The following LRP1B variants were observed in gnomAD, a reference collection of about 807,000 sequenced individuals.
The protein encoded by LRP1B is low-density lipoprotein receptor-related protein 1B.
A neutral mutation model predicts 556.6 loss-of-function variants in LRP1B; 217 were observed. The ratio of observed to expected loss-of-function variants is 0.39; its 90% CI spans 0.35 to 0.44. LRP1B has a LOEUF of 0.44. Among genes scored for constraint, LRP1B ranks in the 20% least tolerant of loss-of-function variants. The probability of loss-of-function intolerance (pLI) is 1.00; values close to 1 mark genes in which losing one functional copy is unlikely to be tolerated. For missense variants in LRP1B, 5,053 were observed against 5,620.8 expected (o/e 0.90, Z 3.23); for synonymous variants, 2,047 against 1,865.8 (o/e 1.10, Z -2.50).
At chr2:140,419,348 T>C (rs146471759) in intron 66 of LRP1B, among the ~76,000 whole-genome samples, 4 of 152,302 alleles carry the variant, frequency 2.6e-5, no homozygotes, top group South Asian at 2.1e-4. Flanking sequence ...TACCCAGTTA[T>C]AGTCAGATAT....
intron 2 of LRP1B, among the ~76,000 whole-genome samples, chr2:141,798,106 TA>T (rs1451928150): frequency 6.6e-6 from 1 of 152,180 alleles, no homozygotes; most frequent in East Asian, 1.9e-4. Context: ...GTATTGTTCC[TA>T]GAAAGATTTA....
rs189841314 is a variant in LRP1B, at chr2:140,668,584, A to G, written c.6799+31666T>C. Among the ~76,000 whole-genome samples the G allele has an allele frequency of 1.9e-3, 285 of 152,200 alleles. 1 individual carries two copies. Among genetic ancestry groups the G allele is most frequent in the Admixed American group, 4.7e-3 (72 of 15,290 alleles). On this transcript the variant is annotated intron_variant, in intron 41 of 90. Coordinates refer to ENST00000389484, the MANE Select transcript of LRP1B (RefSeq NM_018557.3). Reference sequence around the variant, plus strand: ...AACTGTTTGGTCTTCTGGACCTGCTATCGTTCATATAAATAGCCTCCTTCA... The same window carrying G: ...AACTGTTTGGTCTTCTGGACCTGCTGTCGTTCATATAAATAGCCTCCTTCA...
intron 18 of LRP1B, among the ~76,000 whole-genome samples, chr2:140,977,812 G>A (rs1696651765): frequency 6.6e-6 from 1 of 152,102 alleles, no homozygotes; most frequent in African/African-American, 2.4e-5. Context: ...CATTAGGGAA[G>A]CATTAAAAAT....
chr2:141,227,420 A>T (rs530789891), intron 6 of LRP1B, among the ~76,000 whole-genome samples: 1 of 152,204 alleles, frequency 6.6e-6, no homozygotes, highest in Non-Finnish European at 1.5e-5. Flanking sequence ...GCCTAAGCCA[A>T]TGTCTGAAAT....
chr2:141,804,952 G>C (rs1279236381), intron 2 of LRP1B, among the ~76,000 whole-genome samples: 1 of 152,068 alleles, frequency 6.6e-6, no homozygotes, highest in Non-Finnish European at 1.5e-5. Flanking sequence ...CCAAGGAGGA[G>C]AGTGAAGGGA....
chr2:140,336,736 CTG>C (rs1041359955), intron 77 of LRP1B, among the ~76,000 whole-genome samples: 1 of 151,864 alleles, frequency 6.6e-6, no homozygotes, highest in African/African-American at 2.4e-5. Context: ...TACTGTATTA[CTG>C]TGAGACAAAG....
chr2:141,150,856 T>A (rs1701903495), intron 7 of LRP1B, among the ~76,000 whole-genome samples: 1 of 143,564 alleles, frequency 7.0e-6, no homozygotes, highest in African/African-American at 2.5e-5. Context: ...GGCCTTCATA[T>A]TGTCATGCTG....
At chr2:140,473,458 CAA>C (rs955893038) in intron 60 of LRP1B, among the ~76,000 whole-genome samples, 1 of 151,846 alleles carries the variant, frequency 6.6e-6, no homozygotes, top group African/African-American at 2.4e-5. Context: ...TCTCTCTATC[CAA>C]AGTCACCACC....
At chr2:141,112,370 A>AT (rs1700777636) in intron 7 of LRP1B, among the ~76,000 whole-genome samples, 1 of 151,736 alleles carries the variant, frequency 6.6e-6, no homozygotes, top group Non-Finnish European at 1.5e-5. Flanking sequence ...TTAATACCAC[A>AT]TTTTTCTAAT....
At chr2:140,674,345 C>G (rs987047335) in intron 41 of LRP1B, among the ~76,000 whole-genome samples, 1 of 152,142 alleles carries the variant, frequency 6.6e-6, no homozygotes, top group Non-Finnish European at 1.5e-5. Flanking sequence ...AAGACATTTA[C>G]TGAGAGTCAA....
chr2:141,439,048 A>G (rs779406551), intron 3 of LRP1B, among the ~76,000 whole-genome samples: 1 of 152,172 alleles, frequency 6.6e-6, no homozygotes, highest in Admixed American at 6.5e-5. Flanking sequence ...AATTTCAACC[A>G]TTTTATATAA....
chr2:141,985,606 T>A (rs975517504), intron 1 of LRP1B, among the ~76,000 whole-genome samples: 4 of 151,918 alleles, frequency 2.6e-5, no homozygotes, highest in African/African-American at 7.3e-5. Context: ...TTAGCACAAT[T>A]CTTTCATTTT....
At chr2:142,054,630 C>T (rs760876453) in intron 1 of LRP1B, among the ~76,000 whole-genome samples, 10 of 152,064 alleles carry the variant, frequency 6.6e-5, no homozygotes, top group East Asian at 3.9e-4. Flanking sequence ...TTACATTATT[C>T]TATATAAGTA....
At chr2:140,672,329 C>T (rs989948501) in intron 41 of LRP1B, among the ~76,000 whole-genome samples, 6 of 151,808 alleles carry the variant, frequency 4.0e-5, no homozygotes, top group African/African-American at 7.3e-5. Flanking sequence ...ACTAAAAATA[C>T]TAAAATTAGC....
intron 32 of LRP1B, among the ~76,000 whole-genome samples, chr2:140,802,735 T>C (rs537352864): frequency 6.6e-6 from 1 of 152,228 alleles, no homozygotes. Flanking sequence ...TTATTTCTCA[T>C]TTTATTACAG....
At chr2:141,122,982 A>T (rs1365716120) in intron 7 of LRP1B, among the ~76,000 whole-genome samples, 4 of 152,134 alleles carry the variant, frequency 2.6e-5, no homozygotes, top group Non-Finnish European at 2.9e-5. Context: ...CATCATTCTC[A>T]GTAAACTATT....
At chr2:140,411,631 T>C (rs1684972939) in intron 66 of LRP1B, among the ~76,000 whole-genome samples, 1 of 152,110 alleles carries the variant, frequency 6.6e-6, no homozygotes, top group Non-Finnish European at 1.5e-5. Context: ...GCAAAGGATT[T>C]CTGTTACTTA....
At chr2:140,832,725 G>T (rs1006865799) in intron 31 of LRP1B, among the ~76,000 whole-genome samples, 1 of 152,138 alleles carries the variant, frequency 6.6e-6, no homozygotes, top group Non-Finnish European at 1.5e-5. Flanking sequence ...ATTGGTGGTT[G>T]CAAGAGGCTG....
intron 50 of LRP1B, among the ~76,000 whole-genome samples, chr2:140,515,144 T>A (rs1010143807): frequency 1.3e-5 from 2 of 152,056 alleles, no homozygotes; most frequent in African/African-American, 4.8e-5. Flanking sequence ...TTTAAATCTA[T>A]CTTTGAGCCA....
Sources: gnomAD v4.1 joint callset for allele counts (sites outside exome capture counted in the v4.1 genomes callset) on GRCh38, gnomAD v4.1.1 for gene constraint, MANE v1.5 for transcripts, NCBI Gene and HGNC (gene_info 2026-07-23, HGNC 2026-07-21) for gene names.